CNTN4: variants seen among roughly 807,000 people sequenced by gnomAD.
CNTN4 encodes the protein contactin-4.
A neutral mutation model predicts 122.5 loss-of-function variants in CNTN4; 77 were observed. The ratio of observed to expected loss-of-function variants is 0.63; its 90% CI spans 0.52 to 0.76. The LOEUF is 0.76. Among genes scored for constraint, CNTN4 ranks in the 30% least tolerant of loss-of-function variants. The pLI is 0.00. For missense variants in CNTN4, 1,256 were observed against 1,259.1 expected (o/e 1.00, Z 0.04); for synonymous variants, 512 against 447.0 (o/e 1.15, Z -1.83).
At chr3:2,923,966 G>A (rs17586917) in intron 12 of CNTN4, among the ~76,000 whole-genome samples, 35,969 of 151,944 alleles carry the variant, frequency 0.24, 5,027 homozygotes, top group Non-Finnish European at 0.32. Flanking sequence ...CTGTACATCT[G>A]TACTTGCACT....
At chr3:2,524,784 A>G (rs1039929640) in intron 3 of CNTN4, among the ~76,000 whole-genome samples, 4 of 152,138 alleles carry the variant, frequency 2.6e-5, no homozygotes, top group African/African-American at 4.8e-5. Context: ...AAAAAAGAGT[A>G]TGTCATTTCT....
intron 2 of CNTN4, among the ~76,000 whole-genome samples, chr3:2,119,540 C>A (rs1376186271): frequency 6.6e-6 from 1 of 152,202 alleles, no homozygotes; most frequent in East Asian, 1.9e-4. Flanking sequence ...AGGCATTGGG[C>A]AATTTCATAG....
At chr3:2,225,120 C>G (rs1291941527) in intron 2 of CNTN4, among the ~76,000 whole-genome samples, 1 of 151,254 alleles carries the variant, frequency 6.6e-6, no homozygotes, top group Non-Finnish European at 1.5e-5. Flanking sequence ...CACTGCACTC[C>G]AGCCTGGGCG....
chr3:2,702,749 G>T (rs553640279), intron 4 of CNTN4, among the ~76,000 whole-genome samples: 1 of 149,912 alleles, frequency 6.7e-6, no homozygotes, highest in East Asian at 1.9e-4. Flanking sequence ...TCACGCAATC[G>T]TTCATGTGCA....
Position 2,578,903 on chromosome 3 carries a change from C to T in CNTN4, c.55+7345C>T, listed in dbSNP as rs148955777. 8.4e-3 allele frequency among the ~76,000 whole-genome samples: 1,280 copies of T among 152,120 alleles called. 11 individuals carry two copies. Among genetic ancestry groups the T allele is most frequent in the Non-Finnish European group, 0.012 (806 of 68,016 alleles). ...TAAGAAAAAAAATAGGGGAAGTATA[C>T]TTAGAAAATAATAAATAGCAAATGC... is the stretch of plus-strand genomic sequence containing the variant. On this transcript the variant is annotated intron_variant, in intron 4 of 24. Coordinates refer to ENST00000418658, the MANE Select transcript of CNTN4 (RefSeq NM_175607.3).
At chr3:2,436,602 A>T (rs535983796) in intron 3 of CNTN4, among the ~76,000 whole-genome samples, 2 of 152,114 alleles carry the variant, frequency 1.3e-5, no homozygotes, top group East Asian at 3.9e-4. Context: ...TTAGAAAGGA[A>T]TCCTTTGTGA....
At chr3:2,328,921 T>C (rs2150276728) in intron 2 of CNTN4, among the ~76,000 whole-genome samples, 1 of 152,290 alleles carries the variant, frequency 6.6e-6, no homozygotes, top group South Asian at 2.1e-4. Flanking sequence ...GGGCATACCA[T>C]ATTTCTTAAC....
intron 3 of CNTN4, among the ~76,000 whole-genome samples, chr3:2,514,964 CCTT>C (rs1194098966): frequency 3.3e-5 from 5 of 151,894 alleles, no homozygotes. Context: ...CTACCCTTCT[CCTT>C]CTCCCTGTCT....
intron 4 of CNTN4, among the ~76,000 whole-genome samples, chr3:2,584,232 G>T (rs1305493448): frequency 6.6e-6 from 1 of 152,078 alleles, no homozygotes; most frequent in African/African-American, 2.4e-5. Flanking sequence ...ACCTTCAATG[G>T]GTCCTAACTT....
At position 2,641,310 on chromosome 3, in the gene CNTN4, G is replaced by T. The variant is rs1237615565; in HGVS notation, c.55+69752G>T. 2.0e-5 allele frequency among the ~76,000 whole-genome samples: 3 copies of T among 151,914 alleles called. No individual in the cohort carries two copies. The East Asian group carries it at 5.8e-4, about 29-fold the overall frequency. ...ATCTGTAAATAGATTTGAAATGATT[G>T]GTGTACATTCTGTTGAAACTTCCCA... On this transcript the variant is annotated intron_variant, in intron 4 of 24. Transcript: ENST00000418658.
intron 2 of CNTN4, among the ~76,000 whole-genome samples, chr3:2,225,630 G>T (rs558172027): frequency 2.0e-4 from 30 of 152,100 alleles, no homozygotes; most frequent in Non-Finnish European, 4.4e-5. Flanking sequence ...TTCTATTCTC[G>T]TCAGCATGGG....
At chr3:2,592,037 C>G (rs1240968582) in intron 4 of CNTN4, among the ~76,000 whole-genome samples, 1 of 152,008 alleles carries the variant, frequency 6.6e-6, no homozygotes, top group Non-Finnish European at 1.5e-5. Context: ...TGCCAACACA[C>G]CTGGCTAGTT....
intron 3 of CNTN4, among the ~76,000 whole-genome samples, chr3:2,567,929 G>A (rs11710931): frequency 0.18 from 26,900 of 151,912 alleles, 2,491 homozygotes; most frequent in African/African-American, 0.2. Context: ...TAAACTTACT[G>A]CACACATTGC....
intron 3 of CNTN4, among the ~76,000 whole-genome samples, chr3:2,414,568 T>C (rs1352845106): frequency 1.3e-5 from 2 of 152,134 alleles, no homozygotes; most frequent in Non-Finnish European, 2.9e-5. Context: ...TTAATAGTAA[T>C]TGATATTATT....
At chr3:3,038,891 C>G (rs968692138) in intron 18 of CNTN4, 42 bp from the exon 19 acceptor site, 1 of 1,586,088 alleles carries the variant, frequency 6.3e-7, no homozygotes, top group African/African-American at 1.3e-5. Context: ...CCTCATTCGC[C>G]TTTGCCGCCT....
chr3:2,924,630 G>T (rs1214587176), intron 12 of CNTN4, among the ~76,000 whole-genome samples: 1 of 152,138 alleles, frequency 6.6e-6, no homozygotes, highest in Non-Finnish European at 1.5e-5. Context: ...TTCTCTGATA[G>T]TATTTCCATA....
intron 4 of CNTN4, among the ~76,000 whole-genome samples, chr3:2,667,520 A>T (rs933632366): frequency 6.6e-6 from 1 of 151,832 alleles, no homozygotes; most frequent in South Asian, 2.1e-4. Flanking sequence ...GATTACAAAA[A>T]TTTTCTCCCA....
chr3:2,666,750 C>A (rs180688637), intron 4 of CNTN4, among the ~76,000 whole-genome samples: 14 of 116,238 alleles, frequency 1.2e-4, no homozygotes, highest in Non-Finnish European at 2.0e-4. Flanking sequence ...CCCCTCCCCC[C>A]ACCCCACAAC....
chr3:2,578,460 C>G (rs2079793432), intron 4 of CNTN4, among the ~76,000 whole-genome samples: 1 of 152,170 alleles, frequency 6.6e-6, no homozygotes, highest in Non-Finnish European at 1.5e-5. Flanking sequence ...CAAGGCTTGA[C>G]CTCACTGCAC....
Sources: gnomAD v4.1 joint callset for allele counts (sites outside exome capture counted in the v4.1 genomes callset) on GRCh38, gnomAD v4.1.1 for gene constraint, MANE v1.5 for transcripts, NCBI Gene and HGNC (gene_info 2026-07-23, HGNC 2026-07-21) for gene names.